The following UFL1 variants were observed in gnomAD, a reference collection of about 807,000 sequenced individuals.
The protein encoded by UFL1 is E3 UFM1-protein ligase 1.
Under a neutral mutation model 99.3 loss-of-function variants are expected in UFL1, and 78 were observed. The ratio of observed to expected loss-of-function variants is 0.79; its 90% CI spans 0.65 to 0.95. The LOEUF (loss-of-function observed/expected upper bound fraction) is 0.95. Among genes scored for constraint, UFL1 ranks in the 40% least tolerant of loss-of-function variants. The pLI is 0.00. For missense variants in UFL1, 936 were observed against 937.0 expected (o/e 1.00, Z 0.01); for synonymous variants, 335 against 322.2 (o/e 1.04, Z -0.42).
intron 12 of UFL1, among the ~76,000 whole-genome samples, chr6:96,545,736 G>GA (rs1769989126): frequency 6.6e-6 from 1 of 151,182 alleles, no homozygotes; most frequent in East Asian, 1.9e-4. Flanking sequence ...TAACAAAGGG[G>GA]AAAACTCTTT....
At chr6:96,524,311 T>G in intron 2 of UFL1, 71 bp from the exon 3 acceptor site, 4 of 1,419,240 alleles carry the variant, frequency 2.8e-6, no homozygotes, top group Non-Finnish European at 3.8e-6. Flanking sequence ...ACTTAAATGT[T>G]AGAATTTATA....
intron 10 of UFL1, among the ~76,000 whole-genome samples, chr6:96,540,146 T>G (rs1393842861): frequency 1.3e-4 from 19 of 151,474 alleles, no homozygotes; most frequent in Non-Finnish European, 2.1e-4. Context: ...GGGTTCATTA[T>G]CTTTAATAAT....
At chr6:96,541,919 A>AT (rs1265803057) in intron 11 of UFL1, among the ~76,000 whole-genome samples, 1 of 151,160 alleles carries the variant, frequency 6.6e-6, no homozygotes, top group East Asian at 1.9e-4. Flanking sequence ...TGAAAATAGA[A>AT]TTTTTTTATT....
intron 1 of UFL1, among the ~76,000 whole-genome samples, chr6:96,522,546 C>A (rs768189470): frequency 6.6e-6 from 1 of 152,114 alleles, no homozygotes; most frequent in African/African-American, 2.4e-5. Flanking sequence ...CTAATAGAAG[C>A]CTTTCTATTC....
In UFL1 at chr6:96,526,296, A is replaced by G. The variant is rs771224323; in HGVS notation, c.351-25A>G. The G allele has an allele frequency of 9.0e-6, 14 of 1,548,302 alleles. No homozygotes were observed. The Admixed American group carries it at 1.8e-4, about 20-fold the overall frequency. ...AAAAACATTCCTAATTCTTTTTTCT[A>G]TTATTTTCTTGTTTTCACTATTAGG... On this transcript the variant is annotated intron_variant, in intron 4 of 18. Transcript: ENST00000369278.
At position 96,538,767 on chromosome 6, in the gene UFL1, G is replaced by A. The variant is rs201111302; in HGVS notation, c.1115G>A (p.Cys372Tyr). The A allele has an allele frequency of 7.0e-5, 112 of 1,610,702 alleles. No individual in the cohort carries two copies. Among genetic ancestry groups the A allele is most frequent in the South Asian group, 3.4e-4 (31 of 90,916 alleles). Residue 372 changes from cysteine to tyrosine, a missense_variant, in exon 10 of 19, where the codon TGT (cysteine) becomes TAT (tyrosine). By Grantham distance (194) the Cys-to-Tyr change is radical. Transcript: ENST00000369278. ...GTCAGTGAAAAATTTATAAATGACT[G>A]TACAGAACTGTTCCGTGAGCTGATG... is the stretch of plus-strand genomic sequence containing the variant. ...VVVSEKFIND[C>Y]TELFRELMHQ...
intron 5 of UFL1, 41 bp from the exon 6 acceptor site, chr6:96,528,461 T>G (rs1272600567): frequency 6.3e-7 from 1 of 1,598,460 alleles, no homozygotes; most frequent in Non-Finnish European, 8.5e-7. Flanking sequence ...TGTGTAATTC[T>G]TTTCTTTTAA....
At chr6:96,552,960 C>T (rs974308184) in intron 18 of UFL1, among the ~76,000 whole-genome samples, 2 of 152,100 alleles carry the variant, frequency 1.3e-5, no homozygotes, top group Non-Finnish European at 2.9e-5. Context: ...ATTCAAAAGT[C>T]TTGTCCTATC....
chr6:96,532,748 T>C (rs536835722), intron 6 of UFL1, among the ~76,000 whole-genome samples: 3 of 152,310 alleles, frequency 2.0e-5, no homozygotes, highest in Admixed American at 1.3e-4. Flanking sequence ...TCTTGAACTT[T>C]CCAGTCACCA....
At position 96,538,752 on chromosome 6, in the gene UFL1, A is replaced by C; in HGVS notation, c.1100A>C (p.Lys367Thr). Residue 367 changes from lysine (K) to threonine (T), a missense_variant, in exon 10 of 19, where the codon AAA becomes ACA. By Grantham distance (78) the Lys-to-Thr change is moderately conservative. Transcript: ENST00000369278. ...VFSDTVVVSE[K>T]FINDCTELFR... is the part of the protein sequence containing the mutation. ...AGCGACACTGTTGTAGTCAGTGAAA[A>C]ATTTATAAATGACTGTACAGAACTG... 6.2e-7 allele frequency: 1 copy of C among 1,611,330 alleles called. No individual in the cohort carries two copies. Among genetic ancestry groups the C allele is most frequent in the East Asian group, 2.2e-5 (1 of 44,794 alleles).
At chr6:96,522,302 A>G (rs1769627081) in intron 1 of UFL1, among the ~76,000 whole-genome samples, 1 of 151,874 alleles carries the variant, frequency 6.6e-6, no homozygotes, top group South Asian at 2.1e-4. Context: ...TGGCTATTAT[A>G]CACTTCCTGA....
chr6:96,537,365 T>C lies in UFL1; in HGVS notation c.803-9T>C, dbSNP rs756954925. 3.9e-6 allele frequency: 6 copies of C among 1,540,754 alleles called. No homozygotes were observed. Among genetic ancestry groups the C allele is most frequent in the Non-Finnish European group, 5.2e-6 (6 of 1,150,674 alleles). On this transcript the variant is annotated splice_polypyrimidine_tract_variant and intron_variant, in intron 8 of 18. Coordinates refer to ENST00000369278, the MANE Select transcript of UFL1 (RefSeq NM_015323.5). ...ACAATTCTAATCCAACTTTGTGATATATTTGTAGAATTTGATGCTTTGTCC... is the reference window on the plus strand; with the variant it reads ...ACAATTCTAATCCAACTTTGTGATACATTTGTAGAATTTGATGCTTTGTCC...
intron 12 of UFL1, among the ~76,000 whole-genome samples, chr6:96,546,384 A>G (rs1769998626): frequency 6.6e-6 from 1 of 151,318 alleles, no homozygotes; most frequent in Admixed American, 6.6e-5. Flanking sequence ...AACAAATAGA[A>G]AGACACCCCA....
intron 3 of UFL1, 55 bp downstream of exon 3, chr6:96,524,465 T>A: frequency 7.2e-7 from 1 of 1,391,364 alleles, no homozygotes; most frequent in Non-Finnish European, 9.9e-7. Flanking sequence ...TTTGATACTG[T>A]GAATTTGTTC....
At chr6:96,540,908 T>C (rs1338656082) in intron 11 of UFL1, among the ~76,000 whole-genome samples, 1 of 151,470 alleles carries the variant, frequency 6.6e-6, no homozygotes, top group Non-Finnish European at 1.5e-5. Flanking sequence ...TTTTTCCCCA[T>C]CCTCTGTCTA....
rs145465471 is a variant in UFL1 at position 96,554,622 on chromosome 6, C to G, written c.*1119C>G. 6.6e-3 allele frequency: 1,011 copies of G among 152,054 alleles called. 9 individuals carry two copies. The highest frequency in any genetic ancestry group is 0.04 in the South Asian group (191 of 4,806). 9.4% of individuals were successfully genotyped at this position (152,054 alleles called of 1,614,324 possible). A position where few individuals can be genotyped will look rare whatever the true frequency, so the allele number is the denominator to read the frequency against. ...ATTAAATTTCAAATATTTAAAAATA[C>G]TATTTTATATAATTCCTTATGACAT... On this transcript the variant is annotated 3_prime_UTR_variant, in exon 19 of 19. Coordinates refer to ENST00000369278, the MANE Select transcript of UFL1 (RefSeq NM_015323.5).
intron 5 of UFL1, among the ~76,000 whole-genome samples, chr6:96,527,547 T>C (rs567969685): frequency 1.3e-5 from 2 of 152,300 alleles, no homozygotes; most frequent in African/African-American, 4.8e-5. Flanking sequence ...TGAGCTTCCC[T>C]AATTCCATTT....
At chr6:96,539,666 C>T (rs1166164228) in intron 10 of UFL1, among the ~76,000 whole-genome samples, 1 of 151,488 alleles carries the variant, frequency 6.6e-6, no homozygotes, top group East Asian at 1.9e-4. Context: ...ATGATACCTA[C>T]TATGGAAAGA....
intron 6 of UFL1, 32 bp from the exon 7 acceptor site, chr6:96,534,231 A>T: frequency 7.3e-7 from 1 of 1,361,012 alleles, no homozygotes; most frequent in Non-Finnish European, 9.9e-7. Flanking sequence ...ATAATGAGTA[A>T]GAAGTTTTTT....
Sources: gnomAD v4.1 joint callset for allele counts (sites outside exome capture counted in the v4.1 genomes callset) on GRCh38, gnomAD v4.1.1 for gene constraint, MANE v1.5 for transcripts, NCBI Gene and HGNC (gene_info 2026-07-23, HGNC 2026-07-21) for gene names.